Variants in RSPRY1 observed in about 807,000 individuals in gnomAD.
RSPRY1 encodes ring finger and SPRY domain containing 1, also known as RING finger and SPRY domain-containing protein 1.
A neutral mutation model predicts 73.1 loss-of-function variants in RSPRY1; 23 were observed. The observed-to-expected ratio is 0.31, with a 90% CI of 0.23 to 0.45. RSPRY1 has a LOEUF of 0.45. Ranked by LOEUF, RSPRY1 falls within the 20% of genes least tolerant of loss-of-function variation. RSPRY1 has a pLI of 1.00. For missense variants in RSPRY1, 448 were observed against 698.7 expected (o/e 0.64, Z 4.05); for synonymous variants, 226 against 251.4 (o/e 0.90, Z 0.95).
intron 8 of RSPRY1, 56 bp from the exon 9 acceptor site, chr16:57,220,673 GCTT>G (rs2075019880): frequency 4.5e-6 from 5 of 1,106,142 alleles, no homozygotes; most frequent in Non-Finnish European, 6.9e-6. Context: ...GCTGGCACTA[GCTT>G]CTTCTTTTCT....
intron 4 of RSPRY1, 63 bp from the exon 5 acceptor site, chr16:57,212,909 T>A: frequency 3.9e-6 from 6 of 1,522,968 alleles, no homozygotes; most frequent in South Asian, 1.3e-5. Context: ...AAAAAAAAAA[T>A]GAGCCTGGGA....
Position 57,188,758 on chromosome 16 carries a change from C to A in RSPRY1, c.-156+2307C>A, listed in dbSNP as rs144350677. Among the ~76,000 whole-genome samples, 1,086 of 152,198 alleles carry A rather than the reference C, an allele frequency of 7.1e-3. 12 individuals carry two copies. The highest frequency in any genetic ancestry group is 0.025 in the African/African-American group (1,046 of 41,506). On this transcript the variant is annotated intron_variant, in intron 1 of 14. Coordinates refer to ENST00000394420, the MANE Select transcript of RSPRY1 (RefSeq NM_133368.3). ...GTCGAACTCCCGACGTCCTGTAATC[C>A]GCCTGCCTCGGCCTCCCAAAGTGCC...
rs1392152914 is a variant in RSPRY1, at chr16:57,208,094, C to T, written c.387C>T (p.His129=). The T allele has an allele frequency of 2.5e-6, 4 of 1,592,502 alleles. No homozygotes were observed. Among genetic ancestry groups the T allele is most frequent in the Non-Finnish European group, 3.4e-6 (4 of 1,167,040 alleles). The change falls in exon 3 of 15, where the codon CAC becomes CAT. Residue 129 remains histidine, a synonymous_variant. Coordinates refer to ENST00000394420, the MANE Select transcript of RSPRY1 (RefSeq NM_133368.3). ...CTCCCTATTCAATGATAACATTACA[C>T]GAAATGGCAGAAACAGGTATTTTTA... is the stretch of plus-strand genomic sequence containing the variant. ...QEPPYSMITL[H]EMAETDEGWL... is the part of the protein sequence containing the mutation.
At chr16:57,235,044 T>A in intron 13 of RSPRY1, 80 bp from the exon 14 acceptor site, 1 of 985,844 alleles carries the variant, frequency 1.0e-6, no homozygotes, top group Non-Finnish European at 1.6e-6. Context: ...GTGCAGAGCA[T>A]TTTCAAAACA....
intron 1 of RSPRY1, among the ~76,000 whole-genome samples, chr16:57,199,586 A>G (rs1202763029): frequency 1.3e-5 from 2 of 152,240 alleles, no homozygotes; most frequent in Non-Finnish European, 2.9e-5. Context: ...TGGGAAAGGC[A>G]TGGGCTAGGT....
intron 10 of RSPRY1, among the ~76,000 whole-genome samples, chr16:57,222,657 A>G (rs1381188738): frequency 6.6e-6 from 1 of 152,244 alleles, no homozygotes; most frequent in Non-Finnish European, 1.5e-5. Context: ...AACTCATACC[A>G]GAATTCAGTG....
Position 57,217,053 on chromosome 16 carries a change from T to C in RSPRY1, c.901+18T>C, listed in dbSNP as rs1397619451. 6.2e-7 allele frequency: 1 copy of C among 1,613,610 alleles called. No homozygotes were observed. Among genetic ancestry groups the C allele is most frequent in the Non-Finnish European group, 8.5e-7 (1 of 1,179,746 alleles). On this transcript the variant is annotated intron_variant, in intron 8 of 14. Transcript: ENST00000394420. The stretch of plus-strand genomic sequence containing the variant: ...CAATCTCTGTAAGTGGGAGTTGTCC[T>C]TTATTAAAATGTCCGTTTCCATTTC...
At chr16:57,213,137 G>C in intron 5 of RSPRY1, 39 bp downstream of exon 5, 1 of 1,571,324 alleles carries the variant, frequency 6.4e-7, no homozygotes, top group Middle Eastern at 1.7e-4. Flanking sequence ...ATCTTAAGTT[G>C]TTTGACATTA....
At chr16:57,186,676 A>T (rs2074196748) in intron 1 of RSPRY1, 1 of 151,424 alleles carries the variant, frequency 6.6e-6, no homozygotes, top group Non-Finnish European at 1.5e-5. Flanking sequence ...CCCGCGCTTG[A>T]GGGATCTGAA....
At chr16:57,194,064 TA>T (rs377064360) in intron 1 of RSPRY1, among the ~76,000 whole-genome samples, 95 of 145,218 alleles carry the variant, frequency 6.5e-4, no homozygotes, top group Non-Finnish European at 5.9e-4. Context: ...AGATTCCGTT[TA>T]AAAAAAAAAA....
intron 4 of RSPRY1, 63 bp from the exon 5 acceptor site, chr16:57,212,909 T>G: frequency 1.3e-6 from 2 of 1,522,972 alleles, no homozygotes; most frequent in East Asian, 2.4e-5. Flanking sequence ...AAAAAAAAAA[T>G]GAGCCTGGGA....
chr16:57,235,039 G>T (rs1485539406), intron 13 of RSPRY1, 85 bp from the exon 14 acceptor site: 1 of 902,290 alleles, frequency 1.1e-6, no homozygotes, highest in Non-Finnish European at 1.8e-6. Context: ...CACAGGTGCA[G>T]AGCATTTTCA....
At chr16:57,234,341 T>C (rs575394298) in intron 13 of RSPRY1, among the ~76,000 whole-genome samples, 49 of 152,376 alleles carry the variant, frequency 3.2e-4, no homozygotes, top group African/African-American at 1.1e-3. Flanking sequence ...CCACCTCTGA[T>C]GTGTACACTC....
At chr16:57,204,390 C>A in intron 1 of RSPRY1, 114 bp from the exon 2 acceptor site, 2 of 360,068 alleles carry the variant, frequency 5.6e-6, no homozygotes, top group Non-Finnish European at 5.1e-6. Flanking sequence ...TAAAAATAAC[C>A]AAAGATAATT....
At chr16:57,187,934 A>G (rs1377790537) in intron 1 of RSPRY1, among the ~76,000 whole-genome samples, 2 of 152,202 alleles carry the variant, frequency 1.3e-5, no homozygotes, top group African/African-American at 4.8e-5. Flanking sequence ...TTCCCCTAAC[A>G]GCTGAAATTT....
chr16:57,210,501 G>A (rs2074820051), intron 4 of RSPRY1, among the ~76,000 whole-genome samples: 1 of 151,796 alleles, frequency 6.6e-6, no homozygotes, highest in Non-Finnish European at 1.5e-5. Flanking sequence ...TCAGGAGTTC[G>A]AGACCAGCCT....
At chr16:57,193,889 A>C (rs2074393212) in intron 1 of RSPRY1, among the ~76,000 whole-genome samples, 1 of 152,114 alleles carries the variant, frequency 6.6e-6, no homozygotes, top group Admixed American at 6.5e-5. Context: ...CACATGGTGA[A>C]ACCCCATCTC....
chr16:57,217,319 C>G (rs995315191), intron 8 of RSPRY1, among the ~76,000 whole-genome samples: 71 of 152,198 alleles, frequency 4.7e-4, no homozygotes, highest in African/African-American at 1.5e-3. Flanking sequence ...CTAACCAGCT[C>G]TTTCCAACAC....
At chr16:57,209,469 T>C (rs1455665097) in intron 4 of RSPRY1, among the ~76,000 whole-genome samples, 2 of 152,038 alleles carry the variant, frequency 1.3e-5, no homozygotes, top group Admixed American at 1.3e-4. Context: ...GTCCAAGCGA[T>C]TCTCCTGCCT....
Sources: allele counts gnomAD v4.1 joint callset (sites outside exome capture counted in the v4.1 genomes callset), GRCh38; gene constraint gnomAD v4.1.1; transcripts MANE v1.5; gene names NCBI Gene and HGNC (gene_info 2026-07-23, HGNC 2026-07-21).